CCNY: variants seen among roughly 807,000 people sequenced by gnomAD.
CCNY encodes cyclin Y.
A neutral mutation model predicts 42.8 loss-of-function variants in CCNY; 19 were observed. That is an observed-to-expected ratio of 0.44 (90% CI 0.31 to 0.65). The LOEUF is 0.65. Ranked by LOEUF, CCNY falls within the 30% of genes least tolerant of loss-of-function variation. CCNY has a pLI of 0.07. For synonymous variants in CCNY, 165 were observed against 162.7 expected (o/e 1.01, Z -0.11); for missense variants, 370 against 437.3 (o/e 0.85, Z 1.37).
intron 2 of CCNY, among the ~76,000 whole-genome samples, chr10:35,493,066 C>T (rs572481298): frequency 3.2e-4 from 48 of 152,206 alleles, no homozygotes; most frequent in African/African-American, 9.4e-4. Context: ...CTTTGGGTGC[C>T]GTGGCTCACT....
At chr10:35,470,650 C>A (rs930993101) in intron 1 of CCNY, among the ~76,000 whole-genome samples, 1 of 152,140 alleles carries the variant, frequency 6.6e-6, no homozygotes, top group South Asian at 2.1e-4. Context: ...TGGGATTAAC[C>A]AGAACTGCAG....
At chr10:35,488,922 T>C (rs1402016871) in intron 2 of CCNY, among the ~76,000 whole-genome samples, 2 of 152,234 alleles carry the variant, frequency 1.3e-5, no homozygotes, top group Non-Finnish European at 2.9e-5. Context: ...TAAAATGTTA[T>C]ACTAGTATAA....
intron 1 of CCNY, among the ~76,000 whole-genome samples, chr10:35,384,075 A>G (rs1837250878): frequency 1.3e-5 from 2 of 152,222 alleles, no homozygotes; most frequent in South Asian, 2.1e-4. Context: ...CTCCCTCACC[A>G]TAAATTCTGA....
chr10:35,475,533 A>G (rs1839489088), intron 1 of CCNY, among the ~76,000 whole-genome samples: 3 of 151,860 alleles, frequency 2.0e-5, no homozygotes, highest in Non-Finnish European at 4.4e-5. Context: ...ATATCCAGCC[A>G]AAGTAAGCTT....
chr10:35,285,415 T>G (rs1299832751), intron 3 of CCNY, among the ~76,000 whole-genome samples: 1 of 152,124 alleles, frequency 6.6e-6, no homozygotes, highest in African/African-American at 2.4e-5. Flanking sequence ...ACATCCATTT[T>G]GATAATCTCT....
intron 1 of CCNY, among the ~76,000 whole-genome samples, chr10:35,364,991 T>G (rs1215334623): frequency 6.6e-6 from 1 of 152,214 alleles, no homozygotes; most frequent in African/African-American, 2.4e-5. Flanking sequence ...TGTTTAACTA[T>G]CAGTAGGCTT....
At position 35,411,818 on chromosome 10, in the gene CCNY, T is replaced by G. The variant is rs573265912; in HGVS notation, c.155-71586T>G. 2.0e-4 allele frequency among the ~76,000 whole-genome samples: 31 copies of G among 152,336 alleles called. No homozygotes were observed. The South Asian group carries it at 3.1e-3, about 15-fold the overall frequency. On this transcript the variant is annotated intron_variant, in intron 1 of 9. Transcript: ENST00000374704. ...CAGTTCTAGCACCACATTTGAAGAT[T>G]TTGGCAAAATTTGATAGCATCTTGA...
intron 3 of CCNY, among the ~76,000 whole-genome samples, chr10:35,290,769 A>ACTCTAGCC (rs1835404454): frequency 6.6e-6 from 1 of 152,092 alleles, no homozygotes; most frequent in Non-Finnish European, 1.5e-5. Flanking sequence ...CGAAACCAGC[A>ACTCTAGCC]TGGGCAACAT....
At chr10:35,432,816 G>A (rs1838442315) in intron 1 of CCNY, among the ~76,000 whole-genome samples, 1 of 152,196 alleles carries the variant, frequency 6.6e-6, no homozygotes, top group African/African-American at 2.4e-5. Flanking sequence ...TAGAATGTAA[G>A]AGACAAAACA....
At chr10:35,406,387 T>C (rs769357321) in intron 1 of CCNY, among the ~76,000 whole-genome samples, 14 of 151,972 alleles carry the variant, frequency 9.2e-5, no homozygotes, top group East Asian at 1.9e-4. Context: ...CCTTCCGCAG[T>C]GTTTGTGTCC....
chr10:35,426,111 G>GCGCACACACA (rs1371722726), intron 1 of CCNY, among the ~76,000 whole-genome samples: 3 of 80,466 alleles, frequency 3.7e-5, no homozygotes, highest in African/African-American at 1.6e-4. Flanking sequence ...TCCAGCACGC[G>GCGCACACACA]CACACACACA....
chr10:35,303,614 C>T (rs1274419633), intron 3 of CCNY, among the ~76,000 whole-genome samples: 1 of 150,284 alleles, frequency 6.7e-6, no homozygotes, highest in African/African-American at 2.4e-5. Context: ...CCCATCTCTA[C>T]TAAAAATACA....
intron 1 of CCNY, among the ~76,000 whole-genome samples, chr10:35,370,274 C>A (rs1045368034): frequency 6.6e-6 from 1 of 152,006 alleles, no homozygotes; most frequent in Non-Finnish European, 1.5e-5. Flanking sequence ...GCCTCAGCCT[C>A]CCGAGTAGCT....
Position 35,571,122 on chromosome 10 carries a change from T to C in CCNY, c.*1952T>C, listed in dbSNP as rs1222966873. ...TTGTATTTTCTTAGCTGAATATGAA[T>C]ACCTCTTAAACATAAATTAGTTCCT... is the stretch of plus-strand genomic sequence containing the variant. On this transcript the variant is annotated 3_prime_UTR_variant, in exon 10 of 10. Coordinates refer to ENST00000374704, the MANE Select transcript of CCNY (RefSeq NM_145012.6). 6.6e-6 allele frequency: 1 copy of C among 152,238 alleles called. No homozygotes were observed. The highest frequency in any genetic ancestry group is 2.4e-5 in the African/African-American group (1 of 41,472). 9.4% of individuals were successfully genotyped at this position (152,238 alleles called of 1,614,324 possible).
At chr10:35,403,913 G>T (rs1180070957) in intron 1 of CCNY, among the ~76,000 whole-genome samples, 2 of 152,252 alleles carry the variant, frequency 1.3e-5, no homozygotes, top group Non-Finnish European at 2.9e-5. Context: ...TGAGGAACAG[G>T]AAAGAAGGAA....
chr10:35,498,451 G>C (rs1447205349), intron 2 of CCNY, among the ~76,000 whole-genome samples: 1 of 152,146 alleles, frequency 6.6e-6, no homozygotes, highest in East Asian at 1.9e-4. Flanking sequence ...CAGATCTGCT[G>C]CTTCACTCTT....
intron 8 of CCNY, among the ~76,000 whole-genome samples, chr10:35,558,199 T>G (rs575485343): frequency 1.3e-5 from 2 of 152,284 alleles, no homozygotes; most frequent in South Asian, 4.1e-4. Flanking sequence ...CTTTCCTGGG[T>G]TCCTCAGAGG....
In CCNY at chr10:35,492,477, A is replaced by G. The variant is rs574289323; in HGVS notation, c.229+8999A>G. ...TGGCAGCATTTTTTTTTTCTTTCTT[A>G]GTGACACATAGAGTAATGGTTTATC... On this transcript the variant is annotated intron_variant, in intron 2 of 9. Coordinates refer to ENST00000374704, the MANE Select transcript of CCNY (RefSeq NM_145012.6). Among the ~76,000 whole-genome samples, 6 of 152,054 alleles carry G rather than the reference A, an allele frequency of 3.9e-5. No individual in the cohort carries two copies. In the South Asian group the frequency reaches 1.2e-3, roughly 32 times the overall value.
intron 1 of CCNY, among the ~76,000 whole-genome samples, chr10:35,448,543 A>G (rs1010877291): frequency 6.6e-6 from 1 of 152,164 alleles, no homozygotes; most frequent in Non-Finnish European, 1.5e-5. Context: ...TGTGTTAGGT[A>G]TTAGGACAGT....
Sources: gnomAD v4.1 joint callset for allele counts (sites outside exome capture counted in the v4.1 genomes callset) on GRCh38, gnomAD v4.1.1 for gene constraint, MANE v1.5 for transcripts, NCBI Gene and HGNC (gene_info 2026-07-23, HGNC 2026-07-21) for gene names.